The following FRMD4A variants were observed in gnomAD, a reference collection of about 807,000 sequenced individuals.
FRMD4A encodes the protein FERM domain containing 4A, also known as FERM domain-containing protein 4A.
FRMD4A carries 29 observed loss-of-function variants against 129.1 expected under a neutral mutation model. The ratio of observed to expected loss-of-function variants is 0.22; its 90% CI spans 0.17 to 0.31. FRMD4A has a LOEUF of 0.31. FRMD4A is among the 10% of genes least tolerant of loss of function. The pLI, the probability that FRMD4A is intolerant of heterozygous loss-of-function variation, is 1.00. For missense variants in FRMD4A, 1,272 were observed against 1,375.8 expected, an observed-to-expected ratio of 0.92 and a Z score of 1.19; for synonymous variants, 634 against 571.6, an observed-to-expected ratio of 1.11 and a Z score of -1.56.
At chr10:14,190,520 T>A (rs1023871230) in intron 2 of FRMD4A, among the ~76,000 whole-genome samples, 5 of 152,070 alleles carry the variant, frequency 3.3e-5, no homozygotes, top group African/African-American at 1.2e-4. Context: ...CTCCCAAGTA[T>A]TTGAGACCAC....
rs145906270 is a variant in FRMD4A at position 14,310,722 on chromosome 10, C to A, written c.45+19336G>T. Among the ~76,000 whole-genome samples the A allele has an allele frequency of 2.3e-3, 355 of 152,218 alleles. 2 individuals carry two copies. The highest frequency in any genetic ancestry group is 8.0e-3 in the African/African-American group (332 of 41,548). On this transcript the variant is annotated intron_variant, in intron 2 of 24. Coordinates refer to ENST00000357447, the MANE Select transcript of FRMD4A (RefSeq NM_018027.5). The stretch of plus-strand genomic sequence containing the variant: ...ACACCTAGCCCGAACCAGTTTTTTG[C>A]GCCCTATGCAAATGGCACACCTTGT...
chr10:14,237,356 T>A (rs113615993), intron 2 of FRMD4A, among the ~76,000 whole-genome samples: 12,867 of 152,080 alleles, frequency 0.085, 550 homozygotes, highest in African/African-American at 0.098. Context: ...TTTGAGATGG[T>A]GTCACACTCT....
intron 2 of FRMD4A, among the ~76,000 whole-genome samples, chr10:14,213,704 C>A (rs1255686957): frequency 6.6e-6 from 1 of 152,196 alleles, no homozygotes; most frequent in African/African-American, 2.4e-5. Flanking sequence ...GAGAGTCTCC[C>A]CACTAGGGGT....
At chr10:13,998,856 A>G (rs2095632138) in intron 2 of FRMD4A, among the ~76,000 whole-genome samples, 1 of 152,170 alleles carries the variant, frequency 6.6e-6, no homozygotes, top group African/African-American at 2.4e-5. Context: ...CTTCTCTATC[A>G]ACCTAGTAGC....
chr10:14,004,100 C>T lies in FRMD4A; in HGVS notation c.46-145188G>A, dbSNP rs145297295. ...TCAGTTAGAAAAATTTTGTTTTCCA[C>T]GTGTCTTACATAAAATTGGGAGTCC... On this transcript the variant is annotated intron_variant, in intron 2 of 24. Transcript: ENST00000357447. Among the ~76,000 whole-genome samples, 459 of 152,284 alleles carry T rather than the reference C, an allele frequency of 3.0e-3. 1 individual carries two copies. The highest frequency in any genetic ancestry group is 3.5e-3 in the Non-Finnish European group (238 of 68,028).
intron 2 of FRMD4A, among the ~76,000 whole-genome samples, chr10:14,213,891 G>A (rs1842997946): frequency 6.6e-6 from 1 of 152,154 alleles, no homozygotes; most frequent in Admixed American, 6.5e-5. Flanking sequence ...TTTATAAGGG[G>A]AAACCCCTTT....
At chr10:14,066,587 G>C (rs1027884731) in intron 2 of FRMD4A, among the ~76,000 whole-genome samples, 1 of 152,100 alleles carries the variant, frequency 6.6e-6, no homozygotes, top group African/African-American at 2.4e-5. Context: ...CAAGAAAAGG[G>C]AACACACAGC....
At chr10:13,920,966 A>G (rs1284122260) in intron 2 of FRMD4A, among the ~76,000 whole-genome samples, 1 of 152,164 alleles carries the variant, frequency 6.6e-6, no homozygotes, top group African/African-American at 2.4e-5. Context: ...ACTTAATCCT[A>G]TCATCCCCAT....
At chr10:13,673,714 C>T (rs1310670167) in intron 16 of FRMD4A, among the ~76,000 whole-genome samples, 1 of 151,122 alleles carries the variant, frequency 6.6e-6, no homozygotes, top group African/African-American at 2.4e-5. Context: ...ATAAAGACAG[C>T]AGCTTGCAGC....
chr10:14,251,336 CTA>C (rs1405096725), intron 2 of FRMD4A, among the ~76,000 whole-genome samples: 3 of 152,120 alleles, frequency 2.0e-5, no homozygotes, highest in Non-Finnish European at 4.4e-5. Context: ...AGGCCAGCTG[CTA>C]TGTCATGAGG....
chr10:14,319,166 C>A (rs1464776031), intron 2 of FRMD4A, among the ~76,000 whole-genome samples: 1 of 152,180 alleles, frequency 6.6e-6, no homozygotes, highest in Non-Finnish European at 1.5e-5. Flanking sequence ...TGAATCACCC[C>A]AGCCATCAGC....
chr10:14,236,995 CAAA>C (rs71477244), intron 2 of FRMD4A, among the ~76,000 whole-genome samples: 266 of 75,382 alleles, frequency 3.5e-3, no homozygotes, highest in Middle Eastern at 8.5e-3. Flanking sequence ...AACAGGTCAG[CAAA>C]AAAAAAAAAA....
intron 2 of FRMD4A, among the ~76,000 whole-genome samples, chr10:14,054,737 TA>T (rs1834427884): frequency 6.6e-6 from 1 of 152,134 alleles, no homozygotes; most frequent in Non-Finnish European, 1.5e-5. Flanking sequence ...GTAGCTCCCA[TA>T]ATCCCCACAT....
rs756503357 is a variant in FRMD4A at position 13,654,454 on chromosome 10, G to C, written c.3012C>G (p.Pro1004=). The change falls in exon 23 of 25, where the codon CCC becomes CCG. Residue 1004 remains proline (P), a synonymous_variant. Transcript: ENST00000357447. ...STPSSEIGAT[P]PSSPHHILTW... ...TTAGGATGTGGTGGGGGCTGCTTGGGGGGGTGGCTCCAATTTCACTTGACG... is the reference window on the plus strand; with the variant it reads ...TTAGGATGTGGTGGGGGCTGCTTGGCGGGGTGGCTCCAATTTCACTTGACG... 2 of 1,613,592 alleles carry C rather than the reference G, an allele frequency of 1.2e-6. No individual in the cohort carries two copies. Among genetic ancestry groups the C allele is most frequent in the African/African-American group, 1.3e-5 (1 of 74,918 alleles).
chr10:13,691,923 T>A (rs2182404), intron 15 of FRMD4A, among the ~76,000 whole-genome samples: 1 of 152,028 alleles, frequency 6.6e-6, no homozygotes, highest in African/African-American at 2.4e-5. Context: ...GGGGTCTTGG[T>A]CTTTGAATTT....
chr10:13,824,889 T>C (rs188280773), intron 3 of FRMD4A, among the ~76,000 whole-genome samples: 2,563 of 134,120 alleles, frequency 0.019, 30 homozygotes, highest in Non-Finnish European at 0.029. Context: ...AGCAAGACTC[T>C]GTCTCAAAAA....
intron 2 of FRMD4A, among the ~76,000 whole-genome samples, chr10:14,178,328 G>C (rs747500138): frequency 2.0e-5 from 3 of 152,120 alleles, no homozygotes; most frequent in Non-Finnish European, 4.4e-5. Context: ...TGAGTACCTC[G>C]TTCACTTATG....
chr10:13,689,206 G>GTGGGGGGGGGGT (rs1564616333), intron 15 of FRMD4A, among the ~76,000 whole-genome samples: 1 of 6,566 alleles, frequency 1.5e-4, no homozygotes. Flanking sequence ...TGCGGGGGGG[G>GTGGGGGGGGGGT]GGGGGGGGGG....
intron 12 of FRMD4A, chr10:13,710,523 C>T (rs147722248): frequency 9.2e-5 from 14 of 152,440 alleles, no homozygotes; most frequent in African/African-American, 2.9e-4. Flanking sequence ...ACCATGGAGT[C>T]CCGGCTCCCA....
Sources: allele counts gnomAD v4.1 joint callset (sites outside exome capture counted in the v4.1 genomes callset), GRCh38; gene constraint gnomAD v4.1.1; transcripts MANE v1.5; gene names NCBI Gene and HGNC (gene_info 2026-07-23, HGNC 2026-07-21).